FOXP4: variants seen among roughly 807,000 people sequenced by gnomAD.
FOXP4 encodes the protein forkhead box P4.
A neutral mutation model predicts 82.6 loss-of-function variants in FOXP4; 25 were observed. That is an observed-to-expected ratio of 0.30 (90% CI 0.22 to 0.42). The LOEUF (loss-of-function observed/expected upper bound fraction) is 0.42, where lower values mean the gene tolerates loss of function less well. FOXP4 is among the 10% of genes least tolerant of loss of function. The pLI is 1.00. For missense variants in FOXP4, 785 were observed against 900.9 expected (o/e 0.87, Z 1.65); for synonymous variants, 415 against 388.2 (o/e 1.07, Z -0.81).
rs1767228867 is a variant in FOXP4 at position 41,602,052 on chromosome 6, TTCTG to T, written c.*3123_*3126del. On this transcript the variant is annotated 3_prime_UTR_variant, in exon 17 of 17. Transcript: ENST00000307972. ...TCTTTTGTCCTTTTCGTCCATCTAT[TTCTG>T]TCTGTCGCTCACTCGCCCCGCTTTC... 1 of 152,406 alleles carries T rather than the reference TTCTG, an allele frequency of 6.6e-6. No homozygotes were observed. The highest frequency in any genetic ancestry group is 6.5e-5 in the Admixed American group (1 of 15,286). 9.4% of individuals were successfully genotyped at this position (152,406 alleles called of 1,614,324 possible). A position where few individuals can be genotyped will look rare whatever the true frequency, so the allele number is the denominator to read the frequency against.
intron 8 of FOXP4, among the ~76,000 whole-genome samples, chr6:41,588,197 C>T (rs1453973674): frequency 6.6e-6 from 1 of 152,228 alleles, no homozygotes; most frequent in African/African-American, 2.4e-5. Context: ...TGCTCCCCTC[C>T]AGCCTCAGCC....
At chr6:41,576,399 A>G (rs2127372388) in intron 2 of FOXP4, among the ~76,000 whole-genome samples, 1 of 152,280 alleles carries the variant, frequency 6.6e-6, no homozygotes, top group African/African-American at 2.4e-5. Flanking sequence ...CTTGGTACAC[A>G]GTGGTCACTC....
In FOXP4 at chr6:41,589,801, A is replaced by C; in HGVS notation, c.1096A>C (p.Met366Leu). The change falls in exon 10 of 17, where the codon ATG becomes CTG. Residue 366 changes from methionine (M) to leucine (L), a missense_variant. Around this residue, in one of 3 missense-constraint regions of FOXP4, gnomAD observed 570 missense variants for 634.0 expected, o/e 0.90. Coordinates refer to ENST00000307972, the MANE Select transcript of FOXP4 (RefSeq NM_001012426.2). ...CAAGGAGAGCGAGCGGCTGCAGGCC[A>C]TGATGGCCCACCTGCACATGCGGCC... The part of the protein sequence containing the change: ...LAKESERLQA[M>L]MAHLHMRPSE... 1.2e-6 allele frequency: 2 copies of C among 1,611,186 alleles called. No individual in the cohort carries two copies. The highest frequency in any genetic ancestry group is 1.7e-6 in the Non-Finnish European group (2 of 1,179,914).
At chr6:41,598,524 C>G (rs1767013500) in intron 16 of FOXP4, among the ~76,000 whole-genome samples, 1 of 152,128 alleles carries the variant, frequency 6.6e-6, no homozygotes, top group South Asian at 2.1e-4. Flanking sequence ...GGCCTCTCTT[C>G]TATCTTTCTT....
chr6:41,565,645 G>T, intron 1 of FOXP4, 100 bp from the exon 2 acceptor site: 1 of 1,096,620 alleles, frequency 9.1e-7, no homozygotes. Context: ...TAGATGCCCA[G>T]CTACTCCTGT....
Position 41,592,750 on chromosome 6 carries a change from A to G in FOXP4, c.1536+1428A>G, listed in dbSNP as rs16894828. Among the ~76,000 whole-genome samples the G allele has an allele frequency of 7.0e-3, 1,061 of 151,806 alleles. 14 individuals carry two copies. The highest frequency in any genetic ancestry group is 0.024 in the African/African-American group (997 of 41,346). On this transcript the variant is annotated intron_variant, in intron 13 of 16. Coordinates refer to ENST00000307972, the MANE Select transcript of FOXP4 (RefSeq NM_001012426.2). Reference sequence around the variant, plus strand: ...CTGTAATGCCCTGCTGCAATTTTCTAATTCTCTCTTCTCTTGAGGTCAGGT... The same window carrying G: ...CTGTAATGCCCTGCTGCAATTTTCTGATTCTCTCTTCTCTTGAGGTCAGGT...
chr6:41,546,888 A>T (rs1763654536), intron 1 of FOXP4, 21 bp downstream of exon 1: 1 of 144,444 alleles, frequency 6.9e-6, no homozygotes, highest in African/African-American at 2.5e-5. Context: ...GGTCGGGCCC[A>T]GGGACGTGGG....
At chr6:41,594,771 T>C (rs1463426290) in intron 13 of FOXP4, 99 bp from the exon 14 acceptor site, 24 of 1,538,984 alleles carry the variant, frequency 1.6e-5, no homozygotes, top group Non-Finnish European at 2.0e-5. Flanking sequence ...CTGGGGAAGG[T>C]GGGCCGCTGC....
chr6:41,594,077 CT>C (rs1387027292), intron 13 of FOXP4, among the ~76,000 whole-genome samples: 5 of 152,156 alleles, frequency 3.3e-5, no homozygotes, highest in Non-Finnish European at 5.9e-5. Context: ...CTAGTCCGGG[CT>C]CCCATGGTGG....
At chr6:41,557,007 C>G (rs552160875) in intron 1 of FOXP4, among the ~76,000 whole-genome samples, 14 of 152,310 alleles carry the variant, frequency 9.2e-5, no homozygotes, top group Admixed American at 8.5e-4. Context: ...ATTAGTCTTT[C>G]TCCTCTCTCC....
At chr6:41,594,426 T>G (rs1766703550) in intron 13 of FOXP4, among the ~76,000 whole-genome samples, 1 of 152,194 alleles carries the variant, frequency 6.6e-6, no homozygotes, top group Non-Finnish European at 1.5e-5. Context: ...TTAAAAGCTT[T>G]GTGGAAATTC....
chr6:41,550,509 A>G (rs984086594), intron 1 of FOXP4, among the ~76,000 whole-genome samples: 1 of 152,248 alleles, frequency 6.6e-6, no homozygotes, highest in Admixed American at 6.5e-5. Flanking sequence ...AAGGTTACAC[A>G]GCTACATGGT....
intron 2 of FOXP4, among the ~76,000 whole-genome samples, chr6:41,566,868 A>C (rs1035639760): frequency 3.9e-5 from 6 of 152,180 alleles, no homozygotes; most frequent in Admixed American, 3.9e-4. Flanking sequence ...CTCCCTGCTC[A>C]GTAGCCCACT....
At position 41,597,183 on chromosome 6, in the gene FOXP4, A is replaced by G. The variant is rs6911720; in HGVS notation, c.1666A>G (p.Thr556Ala). 1 of 1,614,106 alleles carries G rather than the reference A, an allele frequency of 6.2e-7. No homozygotes were observed. ...RRPPKMTGSP[T>A]LVKNMISGLS... ...GCCTTCTCTGTCCTCCAGGAGCCCC[A>G]CCCTGGTGAAGAACATGATCTCTGG... Residue 556 changes from threonine (T) to alanine (A), a missense_variant, in exon 15 of 17, where the codon ACC (threonine) becomes GCC (alanine). Thr to Ala is a moderately conservative substitution (Grantham distance 58). Transcript: ENST00000307972.
chr6:41,555,222 C>G (rs544395643), intron 1 of FOXP4, among the ~76,000 whole-genome samples: 51 of 152,094 alleles, frequency 3.4e-4, no homozygotes, highest in Non-Finnish European at 5.6e-4. Flanking sequence ...GCACTCCAGT[C>G]TGAGCGACAC....
Position 41,597,774 on chromosome 6 carries a change from C to G in FOXP4, c.1726-7C>G. The G allele has an allele frequency of 6.2e-7, 1 of 1,605,406 alleles. No homozygotes were observed. Among genetic ancestry groups the G allele is most frequent in the African/African-American group, 1.3e-5 (1 of 74,958 alleles). ...CACTGACGAGGCCCAACCCTGTGCC[C>G]CTGCAGGCCGCCCTGGCCGAGAGCA... On this transcript the variant is annotated splice_polypyrimidine_tract_variant and splice_region_variant and intron_variant, in intron 15 of 16. Coordinates refer to ENST00000307972, the MANE Select transcript of FOXP4 (RefSeq NM_001012426.2).
chr6:41,553,305 A>G (rs1371015694), intron 1 of FOXP4, among the ~76,000 whole-genome samples: 1 of 151,394 alleles, frequency 6.6e-6, no homozygotes. Flanking sequence ...TCATGTTATC[A>G]ATTAATTGAA....
intron 1 of FOXP4, among the ~76,000 whole-genome samples, chr6:41,552,310 T>C (rs889965015): frequency 1.3e-5 from 2 of 152,086 alleles, no homozygotes. Flanking sequence ...TGGGGAGATA[T>C]GAAACATCAG....
intron 14 of FOXP4, among the ~76,000 whole-genome samples, chr6:41,596,389 G>A (rs1221568083): frequency 6.6e-6 from 1 of 152,204 alleles, no homozygotes; most frequent in Admixed American, 6.5e-5. Context: ...TCTCTGAGGT[G>A]TGGGGTGTCT....
Sources: gnomAD v4.1 joint callset for allele counts (sites outside exome capture counted in the v4.1 genomes callset) on GRCh38, gnomAD v4.1.1 for gene constraint, gnomAD v4.1.1 regional missense constraint, MANE v1.5 for transcripts, NCBI Gene and HGNC (gene_info 2026-07-23, HGNC 2026-07-21) for gene names.